Variants in WDR31 observed in about 807,000 individuals in gnomAD.
The protein encoded by WDR31 is WD repeat domain 31.
A neutral mutation model predicts 47.3 loss-of-function variants in WDR31; 30 were observed. That is an observed-to-expected ratio of 0.63 (90% CI 0.47 to 0.86). WDR31 has a LOEUF of 0.86. Ranked by LOEUF, WDR31 falls within the 40% of genes least tolerant of loss-of-function variation. The pLI is 0.00. For synonymous variants in WDR31, 137 were observed against 159.4 expected, an observed-to-expected ratio of 0.86 and a Z score of 1.06; for missense variants, 406 against 442.9, an observed-to-expected ratio of 0.92 and a Z score of 0.75.
intron 2 of WDR31, 138 bp from the exon 3 acceptor site, chr9:113,332,188 T>C: frequency 1.7e-6 from 1 of 576,378 alleles, no homozygotes; most frequent in South Asian, 2.1e-5. Flanking sequence ...CTTACAGCCC[T>C]GAGGTTGCAG....
intron 1 of WDR31, among the ~76,000 whole-genome samples, chr9:113,338,772 C>T (rs1833768268): frequency 6.6e-6 from 1 of 152,134 alleles, no homozygotes; most frequent in African/African-American, 2.4e-5. Context: ...GCGCCTGCCA[C>T]CACGCCCAGC....
intron 5 of WDR31, among the ~76,000 whole-genome samples, chr9:113,326,790 T>A (rs1422928542): frequency 6.6e-6 from 1 of 152,154 alleles, no homozygotes; most frequent in Non-Finnish European, 1.5e-5. Flanking sequence ...TACTTTTTAA[T>A]AATATTTTTT....
chr9:113,334,207 A>G (rs1018406542), intron 2 of WDR31, among the ~76,000 whole-genome samples: 4 of 150,748 alleles, frequency 2.7e-5, no homozygotes, highest in Admixed American at 2.6e-4. Flanking sequence ...GGTTTCGCCA[A>G]CTCCTGGGCT....
rs1282534271 is a variant in WDR31 at position 113,328,954 on chromosome 9, G to A, written c.251C>T (p.Thr84Ile). ...DLCVSGGKDKTVVAYNWKTGN... is the reference protein window; with the variant it reads ...DLCVSGGKDKIVVAYNWKTGN... ...AGTTTTCCAATTATAGGCCACAACTGTCTGAAGAGAGTGAAGATTGTAGTT... is the reference window on the plus strand; with the variant it reads ...AGTTTTCCAATTATAGGCCACAACTATCTGAAGAGAGTGAAGATTGTAGTT... Residue 84 changes from threonine to isoleucine, a missense_variant and splice_region_variant, in exon 5 of 11, where the codon ACA becomes ATA. By Grantham distance (89) the Thr-to-Ile change is moderately conservative (BLOSUM62 -1). Transcript: ENST00000374193. The A allele has an allele frequency of 1.2e-6, 2 of 1,613,426 alleles. No homozygotes were observed. Among genetic ancestry groups the A allele is most frequent in the African/African-American group, 2.7e-5 (2 of 75,022 alleles).
chr9:113,337,945 A>G (rs1282186116), intron 1 of WDR31, among the ~76,000 whole-genome samples: 18 of 152,222 alleles, frequency 1.2e-4, no homozygotes. Flanking sequence ...GAGATATCAA[A>G]TAGTTTGCTC....
intron 2 of WDR31, among the ~76,000 whole-genome samples, chr9:113,334,915 T>G (rs963056087): frequency 1.3e-5 from 2 of 152,072 alleles, no homozygotes; most frequent in African/African-American, 4.8e-5. Flanking sequence ...ATCTCAGTTT[T>G]AATGTCAAAT....
At position 113,324,323 on chromosome 9, in the gene WDR31, C is replaced by T. The variant is rs753676470; in HGVS notation, c.325-1168G>A. Among the ~76,000 whole-genome samples, 8 of 151,854 alleles carry T rather than the reference C, an allele frequency of 5.3e-5. No individual in the cohort carries two copies. The South Asian group carries it at 6.2e-4, about 12-fold the overall frequency. On this transcript the variant is annotated intron_variant, in intron 5 of 10. Transcript: ENST00000374193. ...CATACCATATTTGTCCTTTTGTGTC[C>T]GGCTCTTACTTAGCATAATGTTTTC...
intron 8 of WDR31, 109 bp from the exon 9 acceptor site, chr9:113,320,607 G>C (rs1015277711): frequency 1.5e-6 from 2 of 1,339,576 alleles, no homozygotes; most frequent in African/African-American, 1.5e-5. Flanking sequence ...AGGCCAGTCA[G>C]ATTGGAATGG....
Position 113,313,329 on chromosome 9 carries a change from C to G in WDR31, c.*3420G>C, listed in dbSNP as rs1833117090. 1 of 152,194 alleles carries G rather than the reference C, an allele frequency of 6.6e-6. No individual in the cohort carries two copies. Among genetic ancestry groups the G allele is most frequent in the Admixed American group, 6.5e-5 (1 of 15,282 alleles). 9.4% of individuals were successfully genotyped at this position (152,194 alleles called of 1,614,324 possible). A position where few individuals can be genotyped will look rare whatever the true frequency, so the allele number is the denominator to read the frequency against. On this transcript the variant is annotated 3_prime_UTR_variant, in exon 11 of 11. Transcript: ENST00000374193. ...TTCTCCTGGCAGCCTGTCCCCCTTC[C>G]CTGGGACCCCCTCCCAACTCATTCC... is the stretch of plus-strand genomic sequence containing the variant.
chr9:113,332,336 T>G (rs1307317814), intron 2 of WDR31, among the ~76,000 whole-genome samples: 2 of 152,192 alleles, frequency 1.3e-5, no homozygotes, highest in African/African-American at 4.8e-5. Context: ...AAACAAAAAT[T>G]TGTGCACAAA....
intron 2 of WDR31, among the ~76,000 whole-genome samples, chr9:113,334,365 C>T (rs1219188766): frequency 6.6e-6 from 1 of 151,994 alleles, no homozygotes; most frequent in Non-Finnish European, 1.5e-5. Flanking sequence ...TAGAAATTTG[C>T]AAAAACATAA....
chr9:113,321,716 G>C (rs901392405), intron 7 of WDR31, 138 bp from the exon 8 acceptor site: 5 of 769,428 alleles, frequency 6.5e-6, no homozygotes, highest in Admixed American at 2.5e-5. Flanking sequence ...AGGCATCTTA[G>C]GTTTTGCAGA....
At chr9:113,329,017 A>G (rs1343099680) in intron 4 of WDR31, 62 bp from the exon 5 acceptor site, 1 of 1,417,226 alleles carries the variant, frequency 7.1e-7, no homozygotes, top group Non-Finnish European at 1.0e-6. Flanking sequence ...ACTAGCCTCT[A>G]CTGCATTCTC....
At chr9:113,334,321 C>CA (rs770745552) in intron 2 of WDR31, among the ~76,000 whole-genome samples, 4 of 152,152 alleles carry the variant, frequency 2.6e-5, no homozygotes, top group Admixed American at 6.5e-5. Context: ...AAGCAGATAT[C>CA]AGAGTCCAAT....
At chr9:113,336,472 C>T (rs1357471727) in intron 1 of WDR31, 32 bp from the exon 2 acceptor site, 1 of 152,136 alleles carries the variant, frequency 6.6e-6, no homozygotes, top group Non-Finnish European at 1.5e-5. Context: ...AAATAAAGAC[C>T]TTGTTTATTA....
chr9:113,337,819 G>A (rs972842859), intron 1 of WDR31, among the ~76,000 whole-genome samples: 1 of 152,170 alleles, frequency 6.6e-6, no homozygotes, highest in African/African-American at 2.4e-5. Flanking sequence ...CAACCCTTAA[G>A]TATATAATGC....
chr9:113,332,128 T>C (rs1212314452), intron 2 of WDR31, 78 bp from the exon 3 acceptor site: 2 of 1,012,696 alleles, frequency 2.0e-6, no homozygotes, highest in African/African-American at 3.2e-5. Flanking sequence ...AATCCTTTTT[T>C]AGACTAATTA....
intron 7 of WDR31, 79 bp downstream of exon 7, chr9:113,322,732 C>T: frequency 1.4e-6 from 2 of 1,450,812 alleles, no homozygotes; most frequent in Non-Finnish European, 1.9e-6. Context: ...TCATGGGCCT[C>T]CTGATTTATC....
intron 5 of WDR31, 48 bp from the exon 6 acceptor site, chr9:113,323,203 T>C (rs1327461082): frequency 1.3e-6 from 2 of 1,586,584 alleles, no homozygotes; most frequent in Non-Finnish European, 1.7e-6. Flanking sequence ...GGTATGCTAG[T>C]TGGACTGGAC....
Sources: allele counts gnomAD v4.1 joint callset (sites outside exome capture counted in the v4.1 genomes callset), GRCh38; gene constraint gnomAD v4.1.1; transcripts MANE v1.5; gene names NCBI Gene and HGNC (gene_info 2026-07-23, HGNC 2026-07-21).